Variants in MACROD2 observed in about 807,000 individuals in gnomAD.
MACROD2 encodes the protein ADP-ribose glycohydrolase MACROD2.
In MACROD2, 36 loss-of-function variants were observed where a neutral mutation model predicts 70.4. That is an observed-to-expected ratio of 0.51 (90% CI 0.39 to 0.68). The LOEUF is 0.68. Ranked by LOEUF, MACROD2 falls within the 30% of genes least tolerant of loss-of-function variation. The pLI is 0.00. For missense variants in MACROD2, 496 were observed against 538.4 expected, an observed-to-expected ratio of 0.92 and a Z score of 0.78; for synonymous variants, 172 against 178.8, an observed-to-expected ratio of 0.96 and a Z score of 0.30.
At chr20:14,552,397 A>G (rs1815504540) in intron 4 of MACROD2, among the ~76,000 whole-genome samples, 1 of 151,328 alleles carries the variant, frequency 6.6e-6, no homozygotes, top group African/African-American at 2.4e-5. Context: ...ACCACCCTCC[A>G]TCCCAAAATA....
At chr20:14,547,712 A>G (rs1309242825) in intron 4 of MACROD2, 1 of 152,286 alleles carries the variant, frequency 6.6e-6, no homozygotes, top group African/African-American at 2.4e-5. Flanking sequence ...GTGGCTTAAA[A>G]CAACTTACTA....
chr20:14,282,403 T>C (rs2082313083), intron 3 of MACROD2, among the ~76,000 whole-genome samples: 1 of 152,188 alleles, frequency 6.6e-6, no homozygotes, highest in Admixed American at 6.5e-5. Context: ...TGGCTGGCAG[T>C]TGGAGTTGAC....
At chr20:14,152,722 C>T (rs558255553) in intron 3 of MACROD2, among the ~76,000 whole-genome samples, 12 of 152,218 alleles carry the variant, frequency 7.9e-5, no homozygotes, top group Admixed American at 2.6e-4. Flanking sequence ...CCATCGTGCC[C>T]GGCCTCCTCT....
chr20:14,822,782 A>G (rs745361056), intron 5 of MACROD2, among the ~76,000 whole-genome samples: 1 of 152,148 alleles, frequency 6.6e-6, no homozygotes, highest in Non-Finnish European at 1.5e-5. Flanking sequence ...AATTATTATC[A>G]TACATCTGTG....
intron 8 of MACROD2, among the ~76,000 whole-genome samples, chr20:15,542,287 T>C (rs1409367411): frequency 6.6e-6 from 1 of 152,194 alleles, no homozygotes; most frequent in Non-Finnish European, 1.5e-5. Context: ...GTAATAACAT[T>C]ACCTTTTAGG....
At chr20:15,494,928 C>T (rs1338224827) in intron 7 of MACROD2, among the ~76,000 whole-genome samples, 1 of 152,114 alleles carries the variant, frequency 6.6e-6, no homozygotes, top group East Asian at 1.9e-4. Context: ...GAAAACTAAG[C>T]TTTGGAATGC....
intron 8 of MACROD2, among the ~76,000 whole-genome samples, chr20:15,578,154 A>T (rs1316691347): frequency 1.3e-5 from 2 of 152,214 alleles, no homozygotes; most frequent in Non-Finnish European, 2.9e-5. Flanking sequence ...CTGAGTTGCC[A>T]TGATAAGTTG....
At chr20:15,522,113 A>C (rs1053667672) in intron 8 of MACROD2, among the ~76,000 whole-genome samples, 1 of 152,212 alleles carries the variant, frequency 6.6e-6, no homozygotes, top group African/African-American at 2.4e-5. Context: ...GGTCAGGACT[A>C]GGGTGAGGTA....
At chr20:15,037,559 TA>T (rs2075322763) in intron 5 of MACROD2, among the ~76,000 whole-genome samples, 1 of 152,226 alleles carries the variant, frequency 6.6e-6, no homozygotes, top group Non-Finnish European at 1.5e-5. Flanking sequence ...GCTGGCATTT[TA>T]GTCAGTGTAT....
At chr20:14,999,032 C>A (rs2074972766) in intron 5 of MACROD2, among the ~76,000 whole-genome samples, 1 of 152,114 alleles carries the variant, frequency 6.6e-6, no homozygotes, top group South Asian at 2.1e-4. Context: ...GTAAGTATCT[C>A]CAGTGAAAAT....
chr20:15,743,888 G>A (rs553563390), intron 8 of MACROD2, among the ~76,000 whole-genome samples: 4 of 152,062 alleles, frequency 2.6e-5, no homozygotes, highest in African/African-American at 9.6e-5. Context: ...CAAAAAAATA[G>A]GCATAAGCTT....
At chr20:14,872,224 G>C (rs1178305669) in intron 5 of MACROD2, among the ~76,000 whole-genome samples, 1 of 152,182 alleles carries the variant, frequency 6.6e-6, no homozygotes, top group Non-Finnish European at 1.5e-5. Flanking sequence ...GGTTTCTGCA[G>C]TTGTTGTGAG....
At chr20:15,939,289 T>C (rs2065714432) in intron 12 of MACROD2, among the ~76,000 whole-genome samples, 1 of 152,192 alleles carries the variant, frequency 6.6e-6, no homozygotes, top group African/African-American at 2.4e-5. Context: ...AGTCAATGCC[T>C]GGCTTCAAAG....
intron 8 of MACROD2, among the ~76,000 whole-genome samples, chr20:15,639,788 C>T (rs2049426905): frequency 6.6e-6 from 1 of 151,518 alleles, no homozygotes. Flanking sequence ...GGATATAGAC[C>T]ATGAGAAAAG....
chr20:14,027,292 G>C (rs1327494327), intron 2 of MACROD2, among the ~76,000 whole-genome samples: 1 of 152,008 alleles, frequency 6.6e-6, no homozygotes, highest in African/African-American at 2.4e-5. Context: ...TTCTCGTGCT[G>C]TGTTTTTCAG....
chr20:15,009,146 G>A (rs2122927222), intron 5 of MACROD2, among the ~76,000 whole-genome samples: 1 of 152,284 alleles, frequency 6.6e-6, no homozygotes, highest in African/African-American at 2.4e-5. Flanking sequence ...GCCAGCAAAT[G>A]TACCCCATTA....
chr20:15,138,443 G>A (rs1243781092), intron 5 of MACROD2, among the ~76,000 whole-genome samples: 1 of 151,922 alleles, frequency 6.6e-6, no homozygotes, highest in Non-Finnish European at 1.5e-5. Context: ...CTTTTTTTAG[G>A]TCTCCAGTGT....
chr20:14,556,282 A>G (rs578004960), intron 4 of MACROD2, among the ~76,000 whole-genome samples: 1 of 152,154 alleles, frequency 6.6e-6, no homozygotes, highest in South Asian at 2.1e-4. Context: ...ATTTCTAGAT[A>G]CAGTGCTACG....
At chr20:14,138,137 C>A (rs1235955577) in intron 3 of MACROD2, among the ~76,000 whole-genome samples, 1 of 152,028 alleles carries the variant, frequency 6.6e-6, no homozygotes, top group Non-Finnish European at 1.5e-5. Flanking sequence ...GAAAAGGGAA[C>A]CTTATACATT....
Sources: gnomAD v4.1 joint callset for allele counts (sites outside exome capture counted in the v4.1 genomes callset) on GRCh38, gnomAD v4.1.1 for gene constraint, MANE v1.5 for transcripts, NCBI Gene and HGNC (gene_info 2026-07-23, HGNC 2026-07-21) for gene names.